SMOC1: variants seen among roughly 807,000 people sequenced by gnomAD.
SMOC1 encodes the protein SPARC related modular calcium binding 1.
SMOC1 carries 22 observed loss-of-function variants against 56.3 expected under a neutral mutation model. The observed-to-expected ratio is 0.39, with a 90% CI of 0.28 to 0.56. The LOEUF is 0.56. Among genes scored for constraint, SMOC1 ranks in the 20% least tolerant of loss-of-function variants. The pLI, the probability that SMOC1 is intolerant of heterozygous loss-of-function variation, is 0.61. For missense variants in SMOC1, 509 were observed against 565.4 expected (o/e 0.90, Z 1.01); for synonymous variants, 193 against 215.0 (o/e 0.90, Z 0.89).
chr14:69,980,575 G>C (rs950366745), intron 5 of SMOC1, among the ~76,000 whole-genome samples: 9 of 152,198 alleles, frequency 5.9e-5, no homozygotes, highest in Non-Finnish European at 1.2e-4. Flanking sequence ...CCAGGAAGCT[G>C]GGGTTTGAAT....
rs76587668 is a variant in SMOC1, at chr14:70,007,138, C to T, written c.665-3616C>T. 7.2e-5 allele frequency among the ~76,000 whole-genome samples: 11 copies of T among 152,288 alleles called. No homozygotes were observed. The East Asian group carries it at 1.7e-3, about 24-fold the overall frequency. ...AAGATGATCTTGCAGAGGTGAAGCA[C>T]CCAGCCAGTGCTGAAATGTCAGCTC... On this transcript the variant is annotated intron_variant, in intron 7 of 11. Transcript: ENST00000361956.
intron 1 of SMOC1, among the ~76,000 whole-genome samples, chr14:69,949,002 G>T (rs909419404): frequency 2.0e-5 from 3 of 152,166 alleles, no homozygotes; most frequent in Non-Finnish European, 4.4e-5. Flanking sequence ...CTGCAAAAAG[G>T]ACTTCACAAA....
At chr14:69,881,050 T>C (rs1883623833) in intron 1 of SMOC1, among the ~76,000 whole-genome samples, 1 of 152,216 alleles carries the variant, frequency 6.6e-6, no homozygotes, top group South Asian at 2.1e-4. Context: ...CTTGCTTTTA[T>C]GACCAGATGT....
chr14:69,903,438 C>G (rs1034878962), intron 1 of SMOC1, among the ~76,000 whole-genome samples: 6 of 152,128 alleles, frequency 3.9e-5, no homozygotes, highest in Non-Finnish European at 7.4e-5. Context: ...GCCATGATGA[C>G]GATGGCGGTT....
At chr14:69,978,080 A>G in intron 5 of SMOC1, 115 bp downstream of exon 5, 2 of 845,382 alleles carry the variant, frequency 2.4e-6, no homozygotes, top group South Asian at 2.7e-5. Flanking sequence ...CCCGCAGAAC[A>G]TCTTCTCCAT....
At chr14:69,921,947 A>C (rs756739527) in intron 1 of SMOC1, among the ~76,000 whole-genome samples, 7 of 152,060 alleles carry the variant, frequency 4.6e-5, no homozygotes, top group Admixed American at 6.5e-5. Flanking sequence ...GCTGGCTGTG[A>C]TTTTGGGGTG....
intron 11 of SMOC1, among the ~76,000 whole-genome samples, chr14:70,028,224 A>T (rs2139628535): frequency 6.6e-6 from 1 of 152,254 alleles, no homozygotes; most frequent in Non-Finnish European, 1.5e-5. Context: ...CTTCACTGGG[A>T]TCATTGTCAC....
At chr14:69,932,242 C>G (rs1408191272) in intron 1 of SMOC1, among the ~76,000 whole-genome samples, 1 of 152,210 alleles carries the variant, frequency 6.6e-6, no homozygotes, top group Non-Finnish European at 1.5e-5. Context: ...CAGGCACAGC[C>G]CCTGAACAGG....
At chr14:69,982,992 A>G (rs1259766270) in intron 5 of SMOC1, among the ~76,000 whole-genome samples, 3 of 152,190 alleles carry the variant, frequency 2.0e-5, no homozygotes, top group Admixed American at 1.3e-4. Flanking sequence ...ATGTTCATAT[A>G]CCAGCTTCGC....
intron 1 of SMOC1, among the ~76,000 whole-genome samples, chr14:69,932,254 A>T (rs1885185683): frequency 6.6e-6 from 1 of 152,232 alleles, no homozygotes; most frequent in Non-Finnish European, 1.5e-5. Context: ...CTGAACAGGA[A>T]CAGCTTCCTG....
chr14:69,950,356 C>T (rs1251848185), intron 1 of SMOC1, among the ~76,000 whole-genome samples: 1 of 152,190 alleles, frequency 6.6e-6, no homozygotes, highest in Non-Finnish European at 1.5e-5. Flanking sequence ...ATTTCCAGTA[C>T]TCCCTTGAAG....
intron 6 of SMOC1, among the ~76,000 whole-genome samples, chr14:69,992,886 G>A (rs1220288457): frequency 1.3e-5 from 2 of 152,134 alleles, no homozygotes; most frequent in Non-Finnish European, 2.9e-5. Flanking sequence ...TGAAAAGGAG[G>A]TTTGGAGATG....
intron 3 of SMOC1, among the ~76,000 whole-genome samples, chr14:69,969,952 C>T (rs1405242693): frequency 6.6e-6 from 1 of 152,126 alleles, no homozygotes; most frequent in Admixed American, 6.5e-5. Context: ...AAGTGGGCAC[C>T]TGCAGAGAGA....
intron 1 of SMOC1, among the ~76,000 whole-genome samples, chr14:69,928,664 A>C (rs1885082736): frequency 6.6e-6 from 1 of 152,090 alleles, no homozygotes; most frequent in South Asian, 2.1e-4. Context: ...TCAGAGTACA[A>C]GTGAAACAAG....
At chr14:69,994,976 AT>A (rs1186899768) in intron 7 of SMOC1, among the ~76,000 whole-genome samples, 1 of 152,122 alleles carries the variant, frequency 6.6e-6, no homozygotes, top group Non-Finnish European at 1.5e-5. Context: ...TATTTGTAGG[AT>A]TTTTTTGTAG....
rs997519991 is a variant in SMOC1, at chr14:69,895,766, C to G, written c.99+15989C>G. ...TATGGCATTGTACTTTCTTTCCCCC[C>G]ATCAAGGTAGAGCCTTAGGAAAAGA... is the stretch of plus-strand genomic sequence containing the variant. On this transcript the variant is annotated intron_variant, in intron 1 of 11. Transcript: ENST00000361956. Among the ~76,000 whole-genome samples the G allele has an allele frequency of 7.2e-5, 11 of 152,084 alleles. No homozygotes were observed. The East Asian group carries it at 1.7e-3, about 24-fold the overall frequency.
At chr14:69,967,797 T>A (rs1883625384) in intron 3 of SMOC1, among the ~76,000 whole-genome samples, 1 of 152,158 alleles carries the variant, frequency 6.6e-6, no homozygotes, top group Non-Finnish European at 1.5e-5. Flanking sequence ...GTATTTACAC[T>A]GAGGTCTTTT....
chr14:70,008,117 A>ATTATC (rs368374615), intron 7 of SMOC1, among the ~76,000 whole-genome samples: 20 of 151,116 alleles, frequency 1.3e-4, no homozygotes, highest in Admixed American at 1.2e-3. Flanking sequence ...TATCATTTTT[A>ATTATC]TTATTTTATT....
chr14:69,900,479 A>G (rs779038500), intron 1 of SMOC1, among the ~76,000 whole-genome samples: 1 of 152,246 alleles, frequency 6.6e-6, no homozygotes, highest in Non-Finnish European at 1.5e-5. Flanking sequence ...GACAGCACTT[A>G]TAACACTTAT....
Sources: allele counts gnomAD v4.1 joint callset (sites outside exome capture counted in the v4.1 genomes callset), GRCh38; gene constraint gnomAD v4.1.1; transcripts MANE v1.5; gene names NCBI Gene and HGNC (gene_info 2026-07-23, HGNC 2026-07-21).